Variants in CAMK1D observed in about 807,000 individuals in gnomAD.
CAMK1D encodes calcium/calmodulin-dependent protein kinase type 1D.
Under a neutral mutation model 47.7 loss-of-function variants are expected in CAMK1D, and 9 were observed. The observed-to-expected ratio is 0.19, with a 90% CI of 0.11 to 0.33. The LOEUF (loss-of-function observed/expected upper bound fraction) is 0.33, where lower values mean the gene tolerates loss of function less well. Among genes scored for constraint, CAMK1D ranks in the 10% least tolerant of loss-of-function variants. The pLI is 1.00. For synonymous variants in CAMK1D, 184 were observed against 184.9 expected, an observed-to-expected ratio of 0.99 and a Z score of 0.04; for missense variants, 291 against 488.7, an observed-to-expected ratio of 0.60 and a Z score of 3.81.
intron 2 of CAMK1D, among the ~76,000 whole-genome samples, chr10:12,567,060 G>A (rs1024176786): frequency 6.6e-6 from 1 of 152,116 alleles, no homozygotes; most frequent in African/African-American, 2.4e-5. Context: ...TCTCATTTGA[G>A]GTGTATCTAA....
intron 1 of CAMK1D, among the ~76,000 whole-genome samples, chr10:12,394,419 A>G (rs1838860212): frequency 6.6e-6 from 1 of 152,116 alleles, no homozygotes; most frequent in Non-Finnish European, 1.5e-5. Flanking sequence ...TGGACTGGCA[A>G]ATTCCAACCC....
rs1157846516 is a variant in CAMK1D, at chr10:12,615,750, AGTT to A, written c.225-50983_225-50981del. On this transcript the variant is annotated intron_variant, in intron 2 of 10. Coordinates refer to ENST00000619168, the MANE Select transcript of CAMK1D (RefSeq NM_153498.4). ...TGTGCATGTGTGTGGGGGTGTGTAT[AGTT>A]GTGTGCGTAGGTGTGTGTAAGTGCA... Among the ~76,000 whole-genome samples the A allele has an allele frequency of 9.0e-5, 13 of 145,056 alleles. 1 individual carries two copies. The South Asian group carries it at 1.3e-3, about 15-fold the overall frequency.
intron 4 of CAMK1D, 67 bp downstream of exon 4, chr10:12,761,153 C>T: frequency 6.4e-7 from 1 of 1,562,258 alleles, no homozygotes; most frequent in Middle Eastern, 2.1e-4. Context: ...ACCAAGAGGG[C>T]TGATGCCAGT....
rs371900038 is a variant in CAMK1D, at chr10:12,682,001, C to T, written c.299+15191C>T. ...TTGGGAGGCCCAGGTGGGCAGATCACGAGGTCAGGAGATCGAGACCATCCT... is the reference window on the plus strand; with the variant it reads ...TTGGGAGGCCCAGGTGGGCAGATCATGAGGTCAGGAGATCGAGACCATCCT... On this transcript the variant is annotated intron_variant, in intron 3 of 10. Coordinates refer to ENST00000619168, the MANE Select transcript of CAMK1D (RefSeq NM_153498.4). Among the ~76,000 whole-genome samples the T allele has an allele frequency of 3.9e-3, 596 of 152,300 alleles. 7 individuals carry two copies. Among genetic ancestry groups the T allele is most frequent in the African/African-American group, 0.013 (548 of 41,560 alleles).
intron 5 of CAMK1D, among the ~76,000 whole-genome samples, chr10:12,789,708 A>T (rs1021812907): frequency 2.0e-5 from 3 of 152,210 alleles, no homozygotes; most frequent in African/African-American, 7.2e-5. Context: ...GTAATTTGGG[A>T]ATAATAGTGA....
chr10:12,451,280 A>G (rs114431472), intron 1 of CAMK1D, among the ~76,000 whole-genome samples: 3,573 of 152,230 alleles, frequency 0.023, 142 homozygotes, highest in African/African-American at 0.079. Flanking sequence ...TGGGCTTCCC[A>G]CGGGTTCCCA....
chr10:12,522,784 G>C, intron 1 of CAMK1D, among the ~76,000 whole-genome samples: 1 of 148,068 alleles, frequency 6.8e-6, no homozygotes, highest in Non-Finnish European at 1.5e-5. Flanking sequence ...CCGGGCAGAG[G>C]CGCCCACCAC....
intron 1 of CAMK1D, among the ~76,000 whole-genome samples, chr10:12,370,052 C>T (rs1417055776): frequency 6.6e-6 from 1 of 151,426 alleles, no homozygotes; most frequent in Non-Finnish European, 1.5e-5. Flanking sequence ...TGAGCATTTA[C>T]CAGGTGTTAC....
intron 5 of CAMK1D, among the ~76,000 whole-genome samples, chr10:12,789,526 G>A (rs566655065): frequency 1.3e-5 from 2 of 152,336 alleles, no homozygotes; most frequent in African/African-American, 4.8e-5. Context: ...GTAGTTGTCA[G>A]AGTTCAAAGG....
intron 1 of CAMK1D, among the ~76,000 whole-genome samples, chr10:12,472,802 G>A (rs58209761): frequency 4.6e-5 from 7 of 152,100 alleles, no homozygotes; most frequent in South Asian, 2.1e-4. Flanking sequence ...GATTACAGGC[G>A]TGAGCCACCG....
intron 1 of CAMK1D, among the ~76,000 whole-genome samples, chr10:12,546,517 T>A (rs143577524): frequency 6.6e-6 from 1 of 152,178 alleles, no homozygotes; most frequent in East Asian, 1.9e-4. Context: ...AAGGTGAGGT[T>A]TGCACATGAG....
chr10:12,357,918 T>G (rs1204518834), intron 1 of CAMK1D, among the ~76,000 whole-genome samples: 2 of 152,174 alleles, frequency 1.3e-5, no homozygotes, highest in African/African-American at 4.8e-5. Context: ...TATTGATTAT[T>G]CAGGCTCCAG....
At chr10:12,682,851 AT>A (rs1043233890) in intron 3 of CAMK1D, among the ~76,000 whole-genome samples, 9 of 101,676 alleles carry the variant, frequency 8.9e-5, no homozygotes, top group African/African-American at 2.4e-4. Context: ...AAGAAGTTAA[AT>A]TTTTTTTTGC....
At chr10:12,451,870 T>C (rs1296198399) in intron 1 of CAMK1D, among the ~76,000 whole-genome samples, 1 of 152,142 alleles carries the variant, frequency 6.6e-6, no homozygotes, top group Non-Finnish European at 1.5e-5. Context: ...ATGTTCTCAG[T>C]GTCCCGGGGG....
At chr10:12,726,525 C>G (rs1238155134) in intron 3 of CAMK1D, among the ~76,000 whole-genome samples, 1 of 152,192 alleles carries the variant, frequency 6.6e-6, no homozygotes, top group Non-Finnish European at 1.5e-5. Flanking sequence ...CCTAGTGCCG[C>G]AGGAGAATTA....
In CAMK1D at chr10:12,724,912, C is replaced by T. The variant is rs530749942; in HGVS notation, c.300-36036C>T. 7.7e-4 allele frequency among the ~76,000 whole-genome samples: 117 copies of T among 152,226 alleles called. 4 individuals carry two copies. The South Asian group carries it at 0.022, about 29-fold the overall frequency. ...ACCAAAAAAAAAAAAGTGATCTCTC[C>T]GTGTCTCAGCGTCTGCCACCTGAGA... On this transcript the variant is annotated intron_variant, in intron 3 of 10. Coordinates refer to ENST00000619168, the MANE Select transcript of CAMK1D (RefSeq NM_153498.4).
chr10:12,785,098 C>T (rs1054962920), intron 5 of CAMK1D, among the ~76,000 whole-genome samples: 1 of 152,210 alleles, frequency 6.6e-6, no homozygotes, highest in Non-Finnish European at 1.5e-5. Context: ...CCACTCTCTG[C>T]AGCTCCAAAA....
intron 2 of CAMK1D, among the ~76,000 whole-genome samples, chr10:12,592,772 A>G (rs936931881): frequency 2.6e-5 from 4 of 152,180 alleles, no homozygotes; most frequent in African/African-American, 9.7e-5. Context: ...ACTAATAGTA[A>G]TACTACTCAT....
At chr10:12,826,765 G>C (rs949405147) in intron 10 of CAMK1D, among the ~76,000 whole-genome samples, 1 of 152,192 alleles carries the variant, frequency 6.6e-6, no homozygotes, top group African/African-American at 2.4e-5. Flanking sequence ...ATCTCTGTGA[G>C]TGTCCCCTGA....
Sources: gnomAD v4.1 joint callset for allele counts (sites outside exome capture counted in the v4.1 genomes callset) on GRCh38, gnomAD v4.1.1 for gene constraint, MANE v1.5 for transcripts, NCBI Gene and HGNC (gene_info 2026-07-23, HGNC 2026-07-21) for gene names.